Variants in LANCL2 observed in about 807,000 individuals in gnomAD.
LANCL2 encodes the protein lanC-like protein 2.
LANCL2 carries 33 observed loss-of-function variants against 56.9 expected under a neutral mutation model. The observed-to-expected ratio is 0.58, with a 90% CI of 0.44 to 0.78. The LOEUF (loss-of-function observed/expected upper bound fraction) is 0.78, where lower values mean the gene tolerates loss of function less well. LANCL2 is among the 30% of genes least tolerant of loss of function. The pLI is 0.00. For synonymous variants in LANCL2, 233 were observed against 228.2 expected (o/e 1.02, Z -0.19); for missense variants, 562 against 580.2 (o/e 0.97, Z 0.32).
intron 5 of LANCL2, among the ~76,000 whole-genome samples, chr7:55,406,239 A>C (rs1336971898): frequency 1.3e-5 from 2 of 152,160 alleles, no homozygotes; most frequent in Non-Finnish European, 2.9e-5. Context: ...AGCGGGATCC[A>C]AGGGTAGCAT....
chr7:55,411,770 A>C (rs573768152), intron 5 of LANCL2, 137 bp from the exon 6 acceptor site: 14 of 853,092 alleles, frequency 1.6e-5, no homozygotes, highest in African/African-American at 1.4e-4. Context: ...GTCTTAAATA[A>C]CCAGATAGTT....
intron 3 of LANCL2, among the ~76,000 whole-genome samples, chr7:55,399,344 C>CTTT (rs201305522): frequency 7.2e-6 from 1 of 138,714 alleles, no homozygotes; most frequent in African/African-American, 2.7e-5. Flanking sequence ...CATTGCAGTC[C>CTTT]TTTTTTTTTT....
At chr7:55,366,877 C>A (rs1789880444) in intron 1 of LANCL2, among the ~76,000 whole-genome samples, 1 of 152,194 alleles carries the variant, frequency 6.6e-6, no homozygotes, top group South Asian at 2.1e-4. Flanking sequence ...CCAAGAGCGG[C>A]AGCTGTGGGA....
intron 1 of LANCL2, among the ~76,000 whole-genome samples, chr7:55,380,873 T>C (rs974497760): frequency 4.0e-5 from 6 of 150,258 alleles, no homozygotes; most frequent in African/African-American, 1.2e-4. Context: ...GAATTTCTTT[T>C]TTTTTTTTTT....
chr7:55,411,988 T>C lies in LANCL2; in HGVS notation c.907T>C (p.Ser303Pro), dbSNP rs186604257. 9.3e-6 allele frequency: 15 copies of C among 1,614,232 alleles called. No individual in the cohort carries two copies. The Admixed American group carries it at 1.8e-4, about 20-fold the overall frequency. ...IDYVRHKKFR[S>P]GNYPSSLSNE... ...TTATGTGCGCCACAAAAAATTCCGA[T>C]CTGGGAATTACCCATCATCATTAAG... Residue 303 changes from serine to proline, a missense_variant, in exon 6 of 9, where the codon TCT becomes CCT. Ser to Pro is a moderately conservative substitution (Grantham distance 74, BLOSUM62 -1). Coordinates refer to ENST00000254770, the MANE Select transcript of LANCL2 (RefSeq NM_018697.4).
intron 7 of LANCL2, among the ~76,000 whole-genome samples, chr7:55,427,379 G>A (rs1039785247): frequency 8.5e-5 from 13 of 152,214 alleles, no homozygotes; most frequent in Non-Finnish European, 1.6e-4. Context: ...CTCCTCTTTT[G>A]GAAAGATTGC....
At chr7:55,405,920 C>T (rs975089128) in intron 5 of LANCL2, among the ~76,000 whole-genome samples, 3 of 152,088 alleles carry the variant, frequency 2.0e-5, no homozygotes, top group South Asian at 2.1e-4. Context: ...GGGAGCTGCC[C>T]GCATCTCTTC....
chr7:55,371,616 G>A (rs1789944364), intron 1 of LANCL2, among the ~76,000 whole-genome samples: 1 of 152,146 alleles, frequency 6.6e-6, no homozygotes. Context: ...TATGGCCGGT[G>A]TCCAGGAGCT....
Position 55,388,899 on chromosome 7 carries a change from G to A in LANCL2, c.205-2894G>A, listed in dbSNP as rs1583748479. 2.0e-5 allele frequency among the ~76,000 whole-genome samples: 3 copies of A among 152,268 alleles called. No homozygotes were observed. In the South Asian group the frequency reaches 6.2e-4, roughly 32 times the overall value. ...GGGCTTTTCCCGTTTATCTCATTGA[G>A]GGCCGTTTGCCTTTGAGTGGCCTGA... On this transcript the variant is annotated intron_variant, in intron 1 of 8. Transcript: ENST00000254770.
chr7:55,418,185 G>GTTT (rs55860430), intron 6 of LANCL2, among the ~76,000 whole-genome samples: 13 of 148,052 alleles, frequency 8.8e-5, no homozygotes, highest in African/African-American at 3.2e-4. Flanking sequence ...ATACAATTGC[G>GTTT]TTTTTTTTTT....
At chr7:55,395,432 C>CT (rs2128993137) in intron 2 of LANCL2, among the ~76,000 whole-genome samples, 1 of 151,774 alleles carries the variant, frequency 6.6e-6, no homozygotes, top group African/African-American at 2.4e-5. Flanking sequence ...AATTGACAGA[C>CT]TAAGAAAAGA....
intron 1 of LANCL2, among the ~76,000 whole-genome samples, chr7:55,375,447 A>G (rs1314944661): frequency 6.6e-6 from 1 of 152,186 alleles, no homozygotes; most frequent in Non-Finnish European, 1.5e-5. Context: ...CCTGCTTTTC[A>G]CACAGCGAGC....
rs1790318884 is a variant in LANCL2 at position 55,401,177 on chromosome 7, G to C, written c.682G>C (p.Val228Leu). 3 of 1,613,854 alleles carry C rather than the reference G, an allele frequency of 1.9e-6. No homozygotes were observed. The highest frequency in any genetic ancestry group is 1.7e-6 in the Non-Finnish European group (2 of 1,179,796). Residue 228 changes from valine to leucine, a missense_variant, in exon 5 of 9, where the codon GTC becomes CTC. Val to Leu is a conservative substitution (Grantham distance 32). Coordinates refer to ENST00000254770, the MANE Select transcript of LANCL2 (RefSeq NM_018697.4). ...TVCESAIKEV[V>L]NAIIESGKTL... Reference sequence around the variant, plus strand: ...TGCTGTCTTGTTATCTCTGTAGGTAGTCAATGCTATTATTGAATCGGGTAA... The same window carrying C: ...TGCTGTCTTGTTATCTCTGTAGGTACTCAATGCTATTATTGAATCGGGTAA...
intron 1 of LANCL2, among the ~76,000 whole-genome samples, chr7:55,383,026 G>A (rs1790086518): frequency 6.6e-6 from 1 of 152,208 alleles, no homozygotes; most frequent in South Asian, 2.1e-4. Context: ...GGAGGCCAAG[G>A]TGGGTGGATC....
chr7:55,414,422 C>G (rs1790504174), intron 6 of LANCL2, among the ~76,000 whole-genome samples: 1 of 152,208 alleles, frequency 6.6e-6, no homozygotes. Context: ...ATAACAAGCT[C>G]TAACATTTTC....
At chr7:55,405,162 G>A (rs940600521) in intron 5 of LANCL2, among the ~76,000 whole-genome samples, 4 of 150,424 alleles carry the variant, frequency 2.7e-5, no homozygotes, top group African/African-American at 4.9e-5. Flanking sequence ...ACTCCACTCC[G>A]AGTCAGAAGA....
intron 1 of LANCL2, among the ~76,000 whole-genome samples, chr7:55,388,738 T>G (rs961754065): frequency 3.9e-5 from 6 of 152,168 alleles, no homozygotes; most frequent in African/African-American, 1.4e-4. Context: ...CCACTTAAGG[T>G]GAGCTGTTTT....
Position 55,431,410 on chromosome 7 carries a change from A to G in LANCL2, c.*90A>G. 1 of 883,744 alleles carries G rather than the reference A, an allele frequency of 1.1e-6. No homozygotes were observed. The allele number at this position is 883,744 out of a possible 1,614,324, so 54.7% of individuals were successfully genotyped here. On this transcript the variant is annotated 3_prime_UTR_variant, in exon 9 of 9. Coordinates refer to ENST00000254770, the MANE Select transcript of LANCL2 (RefSeq NM_018697.4). ...ACACAGAAACAACTGGGAATCCTGA[A>G]AGAGAAGCAGACACCGTCACAGGCC...
At chr7:55,392,846 A>G (rs1046282852) in intron 2 of LANCL2, among the ~76,000 whole-genome samples, 1 of 152,066 alleles carries the variant, frequency 6.6e-6, no homozygotes, top group African/African-American at 2.4e-5. Flanking sequence ...AACTTTCCCT[A>G]GGGTCAGTTT....
Sources: allele counts gnomAD v4.1 joint callset (sites outside exome capture counted in the v4.1 genomes callset), GRCh38; gene constraint gnomAD v4.1.1; transcripts MANE v1.5; gene names NCBI Gene and HGNC (gene_info 2026-07-23, HGNC 2026-07-21).